Variants in SUMF1 observed in about 807,000 individuals in gnomAD.
SUMF1 encodes the protein sulfatase modifying factor 1, also known as formylglycine-generating enzyme.
SUMF1 carries 48 observed loss-of-function variants against 47.6 expected under a neutral mutation model. The observed-to-expected ratio is 1.01, with a 90% CI of 0.80 to 1.28. The LOEUF (loss-of-function observed/expected upper bound fraction) is 1.28, where lower values mean the gene tolerates loss of function less well. Among genes scored for constraint, SUMF1 ranks in the 50% most tolerant of loss-of-function variants. The pLI is 0.00. For synonymous variants in SUMF1, 230 were observed against 192.1 expected, an observed-to-expected ratio of 1.20 and a Z score of -1.63; for missense variants, 571 against 485.4, an observed-to-expected ratio of 1.18 and a Z score of -1.66.
At chr3:4,077,530 A>G (rs1386635786) in intron 8 of SUMF1, among the ~76,000 whole-genome samples, 3 of 152,136 alleles carry the variant, frequency 2.0e-5, no homozygotes, top group Non-Finnish European at 4.4e-5. Context: ...GCTGGAAACC[A>G]TCATTCTCAG....
intron 8 of SUMF1, among the ~76,000 whole-genome samples, chr3:4,166,449 T>C (rs1274340012): frequency 6.6e-6 from 1 of 152,154 alleles, no homozygotes; most frequent in Non-Finnish European, 1.5e-5. Flanking sequence ...AAATTCCAGA[T>C]AGTCCCCAGC....
intron 8 of SUMF1, among the ~76,000 whole-genome samples, chr3:4,082,630 C>T (rs1207550798): frequency 2.0e-5 from 3 of 151,982 alleles, no homozygotes; most frequent in African/African-American, 7.3e-5. Context: ...GTCAAAATGC[C>T]TATTGTAAAC....
intron 8 of SUMF1, among the ~76,000 whole-genome samples, chr3:4,268,207 G>T (rs1044854575): frequency 6.6e-6 from 1 of 152,032 alleles, no homozygotes; most frequent in Admixed American, 6.6e-5. Context: ...GGACACAGGA[G>T]GGGGAACATC....
chr3:4,087,079 T>G (rs1415283413), intron 8 of SUMF1, among the ~76,000 whole-genome samples: 2 of 152,156 alleles, frequency 1.3e-5, no homozygotes, highest in African/African-American at 4.8e-5. Flanking sequence ...TTTCCCCACT[T>G]TAGTTTCCAA....
chr3:4,240,752 G>A (rs890368844), intron 8 of SUMF1, among the ~76,000 whole-genome samples: 10 of 151,608 alleles, frequency 6.6e-5, no homozygotes, highest in African/African-American at 2.2e-4. Context: ...TTACTTTCCT[G>A]GAAGAAATTA....
chr3:4,110,163 G>C (rs1218842864), intron 8 of SUMF1, among the ~76,000 whole-genome samples: 1 of 152,152 alleles, frequency 6.6e-6, no homozygotes, highest in East Asian at 1.9e-4. Flanking sequence ...CTCAGCTGCA[G>C]GTTGCTGGAG....
At chr3:4,375,266 C>G (rs993491110) in intron 8 of SUMF1, among the ~76,000 whole-genome samples, 1 of 150,724 alleles carries the variant, frequency 6.6e-6, no homozygotes, top group South Asian at 2.1e-4. Flanking sequence ...ATTAAAAATT[C>G]TAAGAAATAC....
At chr3:4,115,373 C>T (rs370413426) in intron 8 of SUMF1, among the ~76,000 whole-genome samples, 1 of 152,142 alleles carries the variant, frequency 6.6e-6, no homozygotes. Context: ...AAGGCAAGAA[C>T]CCCAGGATAC....
At chr3:4,269,534 G>A (rs1697264450) in intron 8 of SUMF1, among the ~76,000 whole-genome samples, 1 of 152,154 alleles carries the variant, frequency 6.6e-6, no homozygotes, top group Non-Finnish European at 1.5e-5. Context: ...CTTAACCAAA[G>A]TGCCATATTC....
intron 3 of SUMF1, among the ~76,000 whole-genome samples, chr3:4,435,540 A>C (rs1702369876): frequency 6.6e-6 from 1 of 152,208 alleles, no homozygotes; most frequent in South Asian, 2.1e-4. Flanking sequence ...GGACACATAC[A>C]AGAATCTCAA....
intron 8 of SUMF1, among the ~76,000 whole-genome samples, chr3:4,211,253 A>G (rs1464876496): frequency 6.7e-5 from 8 of 119,192 alleles, no homozygotes; most frequent in Admixed American, 6.5e-4. Flanking sequence ...TCTCTAGAGA[A>G]CCCTGACTAA....
At chr3:4,034,827 A>C (rs1312438145) in intron 9 of SUMF1, among the ~76,000 whole-genome samples, 2 of 152,030 alleles carry the variant, frequency 1.3e-5, no homozygotes, top group African/African-American at 4.8e-5. Flanking sequence ...GAAATAGAGC[A>C]ATCAATTCTA....
chr3:4,056,633 T>C (rs1368111959), intron 9 of SUMF1, among the ~76,000 whole-genome samples: 1 of 152,132 alleles, frequency 6.6e-6, no homozygotes, highest in African/African-American at 2.4e-5. Flanking sequence ...CACTCCAGTG[T>C]GGGTGACAGA....
intron 8 of SUMF1, 79 bp downstream of exon 8, chr3:4,376,251 T>C: frequency 6.6e-7 from 1 of 1,524,464 alleles, no homozygotes; most frequent in Non-Finnish European, 9.1e-7. Flanking sequence ...AATGAGACAT[T>C]TGGGGCTATC....
chr3:4,308,888 G>C (rs756910690), intron 8 of SUMF1, among the ~76,000 whole-genome samples: 2 of 152,218 alleles, frequency 1.3e-5, no homozygotes, highest in African/African-American at 2.4e-5. Context: ...CCAAATATGA[G>C]TGAGCATGGA....
In SUMF1 at chr3:4,094,697, G is replaced by A. The variant is rs377646478; in HGVS notation, c.1015-25952C>T. Among the ~76,000 whole-genome samples the A allele has an allele frequency of 7.9e-5, 12 of 152,174 alleles. 2 individuals carry two copies. Among genetic ancestry groups the A allele is most frequent in the Admixed American group, 6.5e-5 (1 of 15,278 alleles). Reference sequence around the variant, plus strand: ...AGTTATGGTGAAGGGGTGCCAGCCTGTGCTCAAAACCAATGTCAGTGAGAA... The same window carrying A: ...AGTTATGGTGAAGGGGTGCCAGCCTATGCTCAAAACCAATGTCAGTGAGAA... On this transcript the variant is annotated intron_variant and NMD_transcript_variant, in intron 8 of 12. Transcript: ENST00000448413.
intron 7 of SUMF1, among the ~76,000 whole-genome samples, chr3:4,395,336 T>A (rs925671883): frequency 5.9e-5 from 9 of 152,322 alleles, no homozygotes; most frequent in African/African-American, 1.9e-4. Context: ...TATTTTTTTT[T>A]ACCTAATGTC....
chr3:4,452,903 A>G lies in SUMF1; in HGVS notation c.417T>C (p.Phe139=). The change falls in exon 2 of 9, where the codon TTT becomes TTC. Residue 139 remains phenylalanine (F), a synonymous_variant. Coordinates refer to ENST00000272902, the MANE Select transcript of SUMF1 (RefSeq NM_182760.4). ...YEVSNTEFEK[F]VNSTGYLTEA... ...CTGTCAAATAGCCAGTTGAGTTCAC[A>G]AACTTCTCAAATTCAGTATTACTGA... 1 of 1,614,212 alleles carries G rather than the reference A, an allele frequency of 6.2e-7. No homozygotes were observed. The highest frequency in any genetic ancestry group is 8.5e-7 in the Non-Finnish European group (1 of 1,180,044).
At chr3:4,296,158 G>T (rs1697845901) in intron 8 of SUMF1, among the ~76,000 whole-genome samples, 1 of 151,590 alleles carries the variant, frequency 6.6e-6, no homozygotes, top group Non-Finnish European at 1.5e-5. Flanking sequence ...ATGTGCTATA[G>T]AAGTATTAGC....
Sources: gnomAD v4.1 joint callset for allele counts (sites outside exome capture counted in the v4.1 genomes callset) on GRCh38, gnomAD v4.1.1 for gene constraint, MANE v1.5 for transcripts, NCBI Gene and HGNC (gene_info 2026-07-23, HGNC 2026-07-21) for gene names.